SRFBP1: variants seen among roughly 807,000 people sequenced by gnomAD.
SRFBP1 encodes serum response factor binding protein 1, also known as serum response factor-binding protein 1.
A neutral mutation model predicts 45.5 loss-of-function variants in SRFBP1; 47 were observed. The ratio of observed to expected loss-of-function variants is 1.03; its 90% CI spans 0.82 to 1.32. The LOEUF is 1.32. Among genes scored for constraint, SRFBP1 ranks in the 40% most tolerant of loss-of-function variants. The pLI, the probability that SRFBP1 is intolerant of heterozygous loss-of-function variation, is 0.00. For missense variants in SRFBP1, 621 were observed against 484.6 expected (o/e 1.28, Z -2.64); for synonymous variants, 203 against 166.3 (o/e 1.22, Z -1.70).
chr5:122,063,590 CTT>C (rs1298023045), intron 2 of SRFBP1: 1 of 151,780 alleles, frequency 6.6e-6, no homozygotes, highest in Non-Finnish European at 1.5e-5. Context: ...AGGAATGAGA[CTT>C]AACTCACTGA....
chr5:122,041,517 C>T (rs1005965732), intron 2 of SRFBP1, among the ~76,000 whole-genome samples: 2 of 151,684 alleles, frequency 1.3e-5, no homozygotes, highest in Non-Finnish European at 2.9e-5. Context: ...AAAGAATTTT[C>T]ATTTTCTCAT....
At chr5:121,965,693 G>A (rs1255134501) in intron 1 of SRFBP1, among the ~76,000 whole-genome samples, 1 of 152,116 alleles carries the variant, frequency 6.6e-6, no homozygotes, top group African/African-American at 2.4e-5. Flanking sequence ...GATTCCATAT[G>A]AACTTTAAAG....
intron 2 of SRFBP1, among the ~76,000 whole-genome samples, chr5:122,038,020 G>A (rs145264430): frequency 0.011 from 1,645 of 152,216 alleles, 15 homozygotes; most frequent in Admixed American, 0.017. Context: ...TCCAGGTGTG[G>A]CCCATAAAAT....
At chr5:121,976,665 A>G (rs1752308610) in intron 3 of SRFBP1, among the ~76,000 whole-genome samples, 1 of 151,410 alleles carries the variant, frequency 6.6e-6, no homozygotes, top group East Asian at 1.9e-4. Context: ...TAAATTATTC[A>G]GAGGCTTTGA....
intron 2 of SRFBP1, among the ~76,000 whole-genome samples, chr5:122,046,612 G>T (rs1309212589): frequency 6.6e-6 from 1 of 152,174 alleles, no homozygotes; most frequent in Non-Finnish European, 1.5e-5. Flanking sequence ...GATCCCTGAG[G>T]AATAGCCACA....
intron 4 of SRFBP1, among the ~76,000 whole-genome samples, chr5:122,017,335 A>G (rs745930119): frequency 8.5e-5 from 13 of 152,180 alleles, no homozygotes; most frequent in Non-Finnish European, 1.6e-4. Flanking sequence ...CAGAGGGGAA[A>G]CTTTCCTGTG....
At chr5:121,978,893 T>G (rs1335980154) in intron 3 of SRFBP1, among the ~76,000 whole-genome samples, 1 of 152,202 alleles carries the variant, frequency 6.6e-6, no homozygotes, top group African/African-American at 2.4e-5. Flanking sequence ...CTTTGAGACC[T>G]TGTTCTGCCT....
At chr5:122,058,439 C>T (rs1466765190) in intron 2 of SRFBP1, among the ~76,000 whole-genome samples, 4 of 151,852 alleles carry the variant, frequency 2.6e-5, no homozygotes, top group Non-Finnish European at 5.9e-5. Flanking sequence ...ATAACTTGGG[C>T]AATGGCTTAG....
intron 7 of SRFBP1, among the ~76,000 whole-genome samples, chr5:122,026,576 TATC>T (rs1753485418): frequency 6.6e-6 from 1 of 152,200 alleles, no homozygotes; most frequent in Admixed American, 6.5e-5. Flanking sequence ...TGTACACAGA[TATC>T]ATAAGCTAAT....
At chr5:122,074,226 A>G in intron 2 of SRFBP1, 1 of 1,477,418 alleles carries the variant, frequency 6.8e-7, no homozygotes, top group African/African-American at 1.4e-5. Flanking sequence ...AAAGCAATGA[A>G]GATATTAAAT....
At chr5:121,998,423 C>G (rs1200879024) in intron 4 of SRFBP1, among the ~76,000 whole-genome samples, 2 of 142,238 alleles carry the variant, frequency 1.4e-5, no homozygotes, top group Non-Finnish European at 3.0e-5. Context: ...GAACAAAAAA[C>G]CAAACACCGC....
chr5:121,982,652 A>T (rs1447928862), intron 3 of SRFBP1, among the ~76,000 whole-genome samples: 1 of 151,864 alleles, frequency 6.6e-6, no homozygotes, highest in Non-Finnish European at 1.5e-5. Context: ...AAAAGAGATG[A>T]AAATGCTATT....
At chr5:122,048,758 C>T (rs1300840858) in intron 2 of SRFBP1, among the ~76,000 whole-genome samples, 1 of 152,088 alleles carries the variant, frequency 6.6e-6, no homozygotes, top group Non-Finnish European at 1.5e-5. Flanking sequence ...TCAACTTCTT[C>T]CTTGTTTAGT....
At chr5:122,018,237 C>T (rs1394835413) in intron 4 of SRFBP1, among the ~76,000 whole-genome samples, 1 of 152,130 alleles carries the variant, frequency 6.6e-6, no homozygotes, top group Non-Finnish European at 1.5e-5. Flanking sequence ...TTAAAAATCA[C>T]CGTGGCTGTT....
intron 4 of SRFBP1, among the ~76,000 whole-genome samples, chr5:122,002,098 A>C (rs1406328383): frequency 1.3e-5 from 2 of 152,324 alleles, no homozygotes; most frequent in African/African-American, 4.8e-5. Flanking sequence ...AAAGTATGTT[A>C]GATACAATCA....
chr5:122,039,128 A>G (rs1753735425), intron 2 of SRFBP1, among the ~76,000 whole-genome samples: 2 of 152,220 alleles, frequency 1.3e-5, no homozygotes, highest in South Asian at 4.1e-4. Flanking sequence ...CTATAACAGA[A>G]CGGTGTGTCC....
At chr5:122,031,460 G>T (rs1445905411), downstream of SRFBP1, among the ~76,000 whole-genome samples, 1 of 152,114 alleles carries the variant, frequency 6.6e-6, no homozygotes, top group Non-Finnish European at 1.5e-5. Context: ...CATTGAAAAC[G>T]CTATTTTAAA....
At chr5:122,015,170 A>G (rs1580527028) in intron 4 of SRFBP1, among the ~76,000 whole-genome samples, 1 of 152,106 alleles carries the variant, frequency 6.6e-6, no homozygotes, top group South Asian at 2.1e-4. Context: ...AGGATTAGTC[A>G]TTTTTGTTGT....
chr5:122,029,229 A>T (rs1489546825), downstream of SRFBP1, among the ~76,000 whole-genome samples: 1 of 152,066 alleles, frequency 6.6e-6, no homozygotes, highest in Admixed American at 6.6e-5. Context: ...ATAGCCCAAA[A>T]TGTTAACAGT....
Sources: gnomAD v4.1 joint callset for allele counts (sites outside exome capture counted in the v4.1 genomes callset) on GRCh38, gnomAD v4.1.1 for gene constraint, MANE v1.5 for transcripts, NCBI Gene and HGNC (gene_info 2026-07-23, HGNC 2026-07-21) for gene names.